WDR64: variants seen among roughly 807,000 people sequenced by gnomAD.
WDR64 encodes the protein WD repeat-containing protein 64.
Under a neutral mutation model 139.3 loss-of-function variants are expected in WDR64, and 112 were observed. The observed-to-expected ratio is 0.80, with a 90% CI of 0.69 to 0.94. The LOEUF (loss-of-function observed/expected upper bound fraction) is 0.94, where lower values mean the gene tolerates loss of function less well. WDR64 is among the 40% of genes least tolerant of loss of function. The pLI, the probability that WDR64 is intolerant of heterozygous loss-of-function variation, is 0.00. For missense variants in WDR64, 1,206 were observed against 1,293.1 expected (o/e 0.93, Z 1.03); for synonymous variants, 444 against 437.7 (o/e 1.01, Z -0.18).
At position 241,757,457 on chromosome 1, in the gene WDR64, G is replaced by A. The variant is rs756360548; in HGVS notation, c.1945G>A (p.Asp649Asn). 3.7e-6 allele frequency: 6 copies of A among 1,601,696 alleles called. No homozygotes were observed. Among genetic ancestry groups the A allele is most frequent in the Non-Finnish European group, 5.1e-6 (6 of 1,174,486 alleles). Residue 649 changes from aspartate (D) to asparagine (N), a missense_variant and splice_region_variant, in exon 15 of 28, where the codon GAT (aspartate) becomes AAT (asparagine). Asp to Asn is a conservative substitution (Grantham distance 23, BLOSUM62 1). Coordinates refer to ENST00000437684, the MANE Select transcript of WDR64 (RefSeq NM_001367482.1). ...TGAGAGGAACTTTTCTCAACCTACT[G>A]ATGTAAGTTTCCTCTCTTGGTTTCT... ...IVERNFSQPT[D>N]NPTMDLLRVN...
chr1:241,653,264 C>G (rs1665433345), intron 1 of WDR64, among the ~76,000 whole-genome samples: 1 of 152,148 alleles, frequency 6.6e-6, no homozygotes, highest in Admixed American at 6.5e-5. Context: ...GAGTGAAAGA[C>G]TAACAGAACA....
In WDR64 at chr1:241,687,567, GA is replaced by G; in HGVS notation, c.948del (p.Glu316AspfsTer3). ...AGACAGTAATCATTCATTAGTTTTGGAATCCTTGAAGAGACTCGAGGATAAT... is the reference window on the plus strand; with the variant it reads ...AGACAGTAATCATTCATTAGTTTTGGATCCTTGAAGAGACTCGAGGATAAT... Reference protein sequence around the residue: ...SLDSNHSLVLESLKRLEDNLP... With the variant: ...SLDSNHSLVLXSLKRLEDNLP... On this transcript the variant is annotated frameshift_variant, in exon 8 of 28. Transcript: ENST00000437684. LOFTEE classifies it high-confidence loss of function. The G allele has an allele frequency of 6.2e-7, 1 of 1,613,516 alleles. No homozygotes were observed. Among genetic ancestry groups the G allele is most frequent in the South Asian group, 1.1e-5 (1 of 91,052 alleles).
chr1:241,712,511 G>A (rs1668214174), intron 9 of WDR64, among the ~76,000 whole-genome samples: 1 of 152,166 alleles, frequency 6.6e-6, no homozygotes, highest in Non-Finnish European at 1.5e-5. Context: ...ATAATACTGG[G>A]GTTTTAATAT....
Position 241,741,503 on chromosome 1 carries a change from A to C in WDR64, c.1322-13A>C, listed in dbSNP as rs967159176. ...AATATTGCATATTTATGAGATTCTT[A>C]CTTCTGTTCCAGGATCTAGTGTTAT... On this transcript the variant is annotated splice_polypyrimidine_tract_variant and intron_variant, in intron 11 of 27. Transcript: ENST00000437684. 3 of 1,584,722 alleles carry C rather than the reference A, an allele frequency of 1.9e-6. No homozygotes were observed. The African/African-American group carries it at 4.1e-5, about 22-fold the overall frequency.
At chr1:241,688,730 G>A (rs1667102401) in intron 8 of WDR64, among the ~76,000 whole-genome samples, 1 of 152,140 alleles carries the variant, frequency 6.6e-6, no homozygotes, top group Non-Finnish European at 1.5e-5. Flanking sequence ...TGAATAACCA[G>A]TATAGGGCAG....
At chr1:241,657,682 GCCA>G (rs1665663722) in intron 1 of WDR64, among the ~76,000 whole-genome samples, 4 of 152,084 alleles carry the variant, frequency 2.6e-5, no homozygotes, top group Admixed American at 2.6e-4. Context: ...ACCCCTACCT[GCCA>G]CCACCATACA....
At chr1:241,757,579 G>A in intron 15 of WDR64, 120 bp downstream of exon 15, 1 of 859,634 alleles carries the variant, frequency 1.2e-6, no homozygotes, top group Non-Finnish European at 1.6e-6. Context: ...TCAGCTTCGA[G>A]AACTTTCTGT....
At chr1:241,671,244 A>G in intron 3 of WDR64, 68 bp downstream of exon 3, 1 of 1,030,276 alleles carries the variant, frequency 9.7e-7, no homozygotes, top group Non-Finnish European at 1.4e-6. Context: ...TACTGGAACT[A>G]TATTTTCCAT....
In WDR64 at chr1:241,795,936, C is replaced by T. The variant is rs1659350170; in HGVS notation, c.3079-321C>T. On this transcript the variant is annotated intron_variant, in intron 26 of 27. Transcript: ENST00000437684. ...CAGATGATGCTAAAGGGTGAACTATCAAGATTTAGTAGTGAATTTCTAAGA... is the reference window on the plus strand; with the variant it reads ...CAGATGATGCTAAAGGGTGAACTATTAAGATTTAGTAGTGAATTTCTAAGA... Among the ~76,000 whole-genome samples, 3 of 152,192 alleles carry T rather than the reference C, an allele frequency of 2.0e-5. No individual in the cohort carries two copies. In the South Asian group the frequency reaches 6.2e-4, roughly 32 times the overall value.
At chr1:241,699,532 G>T (rs530286923) in intron 8 of WDR64, among the ~76,000 whole-genome samples, 4 of 152,272 alleles carry the variant, frequency 2.6e-5, no homozygotes, top group African/African-American at 4.8e-5. Context: ...ACAGATGTAA[G>T]AGAGGGGTAT....
Position 241,800,991 on chromosome 1 carries a change from G to A in WDR64, c.3193-141G>A, listed in dbSNP as rs538394831. ...CATACTTTTATCCTGAAGTCACATA[G>A]GATTGTTAAGTAAATAACTATTCAT... On this transcript the variant is annotated intron_variant, in intron 27 of 27. Transcript: ENST00000437684. 92 of 645,534 alleles carry A rather than the reference G, an allele frequency of 1.4e-4. 3 individuals carry two copies. Among genetic ancestry groups the A allele is most frequent in the South Asian group, 1.3e-3 (64 of 48,816 alleles). The allele number at this position is 645,534 out of a possible 1,614,324, so 40.0% of individuals were successfully genotyped here. A position where few individuals can be genotyped will look rare whatever the true frequency, so the allele number is the denominator to read the frequency against.
chr1:241,798,142 CAA>C (rs1659421454), intron 27 of WDR64, among the ~76,000 whole-genome samples: 4 of 152,128 alleles, frequency 2.6e-5, no homozygotes, highest in Non-Finnish European at 5.9e-5. Flanking sequence ...TATCCAAACA[CAA>C]AGACATTTTT....
chr1:241,675,063 C>T (rs1666449980), intron 4 of WDR64, among the ~76,000 whole-genome samples: 1 of 100,642 alleles, frequency 9.9e-6, no homozygotes, highest in Admixed American at 1.0e-4. Flanking sequence ...TTTCTCCCTT[C>T]CTCCTTCCTG....
At chr1:241,704,236 G>A (rs1052392357) in intron 8 of WDR64, among the ~76,000 whole-genome samples, 2 of 152,182 alleles carry the variant, frequency 1.3e-5, no homozygotes, top group Non-Finnish European at 2.9e-5. Flanking sequence ...ATCCTGAGAA[G>A]GGAGCATAGT....
intron 7 of WDR64, among the ~76,000 whole-genome samples, 156 bp from the exon 8 acceptor site, chr1:241,687,304 TA>T (rs11433746): frequency 0.012 from 1,512 of 126,412 alleles, 18 homozygotes; most frequent in East Asian, 0.032. Flanking sequence ...AGACTCCATC[TA>T]AAAAAAAAAA....
intron 16 of WDR64, among the ~76,000 whole-genome samples, chr1:241,767,157 C>G (rs1415997775): frequency 6.6e-6 from 1 of 152,162 alleles, no homozygotes; most frequent in Non-Finnish European, 1.5e-5. Flanking sequence ...ACCAAAGTCA[C>G]ATGGTGAGAA....
intron 25 of WDR64, among the ~76,000 whole-genome samples, chr1:241,791,468 A>T (rs1192762300): frequency 6.6e-6 from 1 of 152,130 alleles, no homozygotes; most frequent in Non-Finnish European, 1.5e-5. Flanking sequence ...GGAGTTCAAG[A>T]CCAGTCTAGG....
intron 8 of WDR64, among the ~76,000 whole-genome samples, chr1:241,702,343 C>T (rs913639160): frequency 2.0e-5 from 3 of 152,142 alleles, no homozygotes; most frequent in Non-Finnish European, 4.4e-5. Context: ...ACCATTAGTT[C>T]TTCTTACCTC....
chr1:241,752,460 CA>C (rs1558507611), intron 14 of WDR64, among the ~76,000 whole-genome samples: 2 of 152,188 alleles, frequency 1.3e-5, no homozygotes, highest in African/African-American at 4.8e-5. Flanking sequence ...GGTCAATCTT[CA>C]AAAGGTGTTT....
Sources: gnomAD v4.1 joint callset for allele counts (sites outside exome capture counted in the v4.1 genomes callset) on GRCh38, gnomAD v4.1.1 for gene constraint, MANE v1.5 for transcripts, NCBI Gene and HGNC (gene_info 2026-07-23, HGNC 2026-07-21) for gene names.